Variants in FGF18 observed in about 807,000 individuals in gnomAD.
The protein encoded by FGF18 is fibroblast growth factor 18.
Under a neutral mutation model 23.0 loss-of-function variants are expected in FGF18, and 5 were observed. The observed-to-expected ratio is 0.22, with a 90% CI of 0.11 to 0.46. The LOEUF is 0.46. Ranked by LOEUF, FGF18 falls within the 20% of genes least tolerant of loss-of-function variation. The pLI is 0.99. For synonymous variants in FGF18, 117 were observed against 118.9 expected, an observed-to-expected ratio of 0.98 and a Z score of 0.10; for missense variants, 180 against 291.6, an observed-to-expected ratio of 0.62 and a Z score of 2.79.
At chr5:171,438,170 C>T (rs1234946847) in intron 3 of FGF18, among the ~76,000 whole-genome samples, 6 of 149,362 alleles carry the variant, frequency 4.0e-5, no homozygotes, top group Admixed American at 6.7e-5. Context: ...GGCATGATCT[C>T]GGCTCACTGC....
intron 2 of FGF18, among the ~76,000 whole-genome samples, chr5:171,421,260 G>T (rs1043729784): frequency 1.3e-5 from 2 of 152,194 alleles, no homozygotes; most frequent in African/African-American, 4.8e-5. Context: ...GGGAGGGAGA[G>T]AGAAGAGCGA....
At chr5:171,437,509 C>T (rs1772267446) in intron 3 of FGF18, among the ~76,000 whole-genome samples, 1 of 152,188 alleles carries the variant, frequency 6.6e-6, no homozygotes, top group African/African-American at 2.4e-5. Context: ...TCTCTTTCCC[C>T]TTCTTCCTTT....
intron 3 of FGF18, among the ~76,000 whole-genome samples, chr5:171,442,670 C>T (rs1303493169): frequency 6.6e-6 from 1 of 152,212 alleles, no homozygotes; most frequent in Non-Finnish European, 1.5e-5. Flanking sequence ...GGTCTTGTCC[C>T]CTGCATCTGT....
chr5:171,435,086 A>T (rs1772227281), intron 2 of FGF18, among the ~76,000 whole-genome samples: 1 of 152,124 alleles, frequency 6.6e-6, no homozygotes, highest in Non-Finnish European at 1.5e-5. Flanking sequence ...GTGTGTTTTG[A>T]TTTTGGAATG....
Position 171,436,291 on chromosome 5 carries a change from C to T in FGF18, c.250+18C>T, listed in dbSNP as rs1772245299. 4 of 1,518,396 alleles carry T rather than the reference C, an allele frequency of 2.6e-6. No homozygotes were observed. The South Asian group carries it at 5.2e-5, about 20-fold the overall frequency. The allele number at this position is 1,518,396 out of a possible 1,614,324, so 94.1% of individuals were successfully genotyped here. A position where few individuals can be genotyped will look rare whatever the true frequency, so the allele number is the denominator to read the frequency against. On this transcript the variant is annotated intron_variant, in intron 3 of 4. Transcript: ENST00000274625. The surrounding 1 kb of genome is among the most constrained non-coding windows in gnomAD (Gnocchi z 4.4). ...CAAGTATGGTATGTGCCAACCCTCT[C>T]CTCCTACTCCGTGTACCCGTGTACA... is the stretch of plus-strand genomic sequence containing the variant.
intron 2 of FGF18, among the ~76,000 whole-genome samples, chr5:171,432,939 A>G (rs896361144): frequency 2.0e-5 from 3 of 152,258 alleles, no homozygotes; most frequent in Non-Finnish European, 4.4e-5. Flanking sequence ...ACTTGGGACA[A>G]TAAGCCATTG....
intron 3 of FGF18, among the ~76,000 whole-genome samples, chr5:171,442,738 A>T (rs1772364081): frequency 6.6e-6 from 1 of 152,102 alleles, no homozygotes; most frequent in Non-Finnish European, 1.5e-5. Context: ...TGCCTCTCTG[A>T]GTCTTTCCCT....
Position 171,419,751 on chromosome 5 carries a change from C to T in FGF18, c.-449C>T, listed in dbSNP as rs940708314. 2.6e-5 allele frequency: 4 copies of T among 151,566 alleles called. No individual in the cohort carries two copies. Among genetic ancestry groups the T allele is most frequent in the Non-Finnish European group, 4.4e-5 (3 of 67,896 alleles). The allele number at this position is 151,566 out of a possible 1,614,324, so 9.4% of individuals were successfully genotyped here. On this transcript the variant is annotated 5_prime_UTR_variant, in exon 1 of 5. Transcript: ENST00000274625. ...ACGCTTTCGCGCTGCAGCCGCGCGC[C>T]CCGACCCCGGAGCGCTGACCCCTGG...
Position 171,456,059 on chromosome 5 carries a change from C to T in FGF18, c.358-480C>T, listed in dbSNP as rs1273511864. Reference sequence around the variant, plus strand: ...CTTGTACCTGCTGTCTCCTCTCTCTCCTCCTAACAAAGAGTCTTCACTCGG... The same window carrying T: ...CTTGTACCTGCTGTCTCCTCTCTCTTCTCCTAACAAAGAGTCTTCACTCGG... On this transcript the variant is annotated intron_variant, in intron 4 of 4. Transcript: ENST00000274625. The surrounding 1 kb of genome is among the most constrained non-coding windows in gnomAD (Gnocchi z 6.1). 1.3e-5 allele frequency among the ~76,000 whole-genome samples: 2 copies of T among 152,188 alleles called. No individual in the cohort carries two copies. Among genetic ancestry groups the T allele is most frequent in the Non-Finnish European group, 2.9e-5 (2 of 68,012 alleles).
At chr5:171,421,729 G>C (rs1438117924) in intron 2 of FGF18, among the ~76,000 whole-genome samples, 2 of 152,194 alleles carry the variant, frequency 1.3e-5, no homozygotes, top group African/African-American at 4.8e-5. Flanking sequence ...CATCCATTGG[G>C]GCTTGGGGAT....
chr5:171,455,491 C>T (rs963434098), intron 4 of FGF18, among the ~76,000 whole-genome samples: 12 of 152,194 alleles, frequency 7.9e-5, no homozygotes, highest in East Asian at 1.9e-4. Flanking sequence ...TTAAAGGAAA[C>T]GAACCATCAT....
At chr5:171,430,015 G>A (rs1772152905) in intron 2 of FGF18, among the ~76,000 whole-genome samples, 1 of 152,252 alleles carries the variant, frequency 6.6e-6, no homozygotes, top group Non-Finnish European at 1.5e-5. Flanking sequence ...CATAGAACAA[G>A]TGATGTAACC....
At chr5:171,448,234 C>A (rs1158399563) in intron 3 of FGF18, among the ~76,000 whole-genome samples, 1 of 152,124 alleles carries the variant, frequency 6.6e-6, no homozygotes, top group Non-Finnish European at 1.5e-5. Context: ...GGTCTCCCAC[C>A]CTGGGGGGAA....
intron 2 of FGF18, among the ~76,000 whole-genome samples, chr5:171,429,525 A>G (rs1367301109): frequency 6.6e-6 from 1 of 152,254 alleles, no homozygotes; most frequent in African/African-American, 2.4e-5. Context: ...GGGAACCCCC[A>G]CTGGAGAGGA....
rs1171932559 is a variant in FGF18, at chr5:171,443,500, CATTTTTTTTTTT to C, written c.251-5646_251-5635del. On this transcript the variant is annotated intron_variant, in intron 3 of 4. Coordinates refer to ENST00000274625, the MANE Select transcript of FGF18 (RefSeq NM_003862.3). ...TCAGATAAGTATTCACTGTTATCAT[CATTTTTTTTTTT>C]TTTTTTTTTTTTTTTTTTTTAGCAG... 2.4e-4 allele frequency among the ~76,000 whole-genome samples: 17 copies of C among 70,416 alleles called. 2 individuals carry two copies. The highest frequency in any genetic ancestry group is 6.8e-4 in the African/African-American group (16 of 23,678). The allele number at this position is 70,416 out of a possible 152,430, so 46.2% of individuals were successfully genotyped here.
intron 3 of FGF18, among the ~76,000 whole-genome samples, chr5:171,444,969 A>G (rs532526279): frequency 6.6e-6 from 1 of 152,308 alleles, no homozygotes; most frequent in South Asian, 2.1e-4. Flanking sequence ...AATAAAAATA[A>G]GAGTTTCGGA....
At chr5:171,433,492 T>G (rs531374606) in intron 2 of FGF18, among the ~76,000 whole-genome samples, 77 of 152,002 alleles carry the variant, frequency 5.1e-4, no homozygotes, top group African/African-American at 1.6e-3. Flanking sequence ...AGGCCATGGG[T>G]GGGGAGTCTT....
rs1389530876 is a variant in FGF18, at chr5:171,434,683, C to T, written c.70-1410C>T. 5.9e-5 allele frequency among the ~76,000 whole-genome samples: 9 copies of T among 152,160 alleles called. No individual in the cohort carries two copies. Among genetic ancestry groups the T allele is most frequent in the Admixed American group, 5.9e-4 (9 of 15,280 alleles). ...GGGACCCTGCTCCAATGGTAAATGG[C>T]ACAGCAGGACTCCAGGTCTTTTCAA... On this transcript the variant is annotated intron_variant, in intron 2 of 4. Transcript: ENST00000274625. This position sits in a 1 kb window ranked among gnomAD's most constrained non-coding sequence, Gnocchi z 4.6.
chr5:171,428,732 G>A lies in FGF18; in HGVS notation c.70-7361G>A, dbSNP rs182313152. On this transcript the variant is annotated intron_variant, in intron 2 of 4. Coordinates refer to ENST00000274625, the MANE Select transcript of FGF18 (RefSeq NM_003862.3). ...TGGAATAAAGGGCTTGTTACCTCAT[G>A]GGCATGGATGGCCATTCTCCCTACC... 5.4e-4 allele frequency among the ~76,000 whole-genome samples: 83 copies of A among 152,302 alleles called. 1 individual carries two copies. In the East Asian group the frequency reaches 0.011, roughly 20 times the overall value.
Sources: gnomAD v4.1 joint callset for allele counts (sites outside exome capture counted in the v4.1 genomes callset) on GRCh38, gnomAD v4.1.1 for gene constraint, Gnocchi (gnomAD v3.1) non-coding constraint, MANE v1.5 for transcripts, NCBI Gene and HGNC (gene_info 2026-07-23, HGNC 2026-07-21) for gene names.